The following CPLANE1 variants were observed in gnomAD, a reference collection of about 807,000 sequenced individuals.
CPLANE1 encodes the protein ciliogenesis and planar polarity effector complex subunit 1.
Under a neutral mutation model 362.5 loss-of-function variants are expected in CPLANE1, and 263 were observed. That is an observed-to-expected ratio of 0.73 (90% CI 0.66 to 0.80). The LOEUF is 0.80. Ranked by LOEUF, CPLANE1 falls within the 30% of genes least tolerant of loss-of-function variation. The pLI is 0.00. For missense variants in CPLANE1, 3,461 were observed against 3,793.4 expected, an observed-to-expected ratio of 0.91 and a Z score of 2.30; for synonymous variants, 1,212 against 1,302.6, an observed-to-expected ratio of 0.93 and a Z score of 1.50.
At chr5:37,133,336 T>C (rs1766546910) in intron 46 of CPLANE1, among the ~76,000 whole-genome samples, 1 of 152,158 alleles carries the variant, frequency 6.6e-6, no homozygotes, top group Admixed American at 6.5e-5. Context: ...TTGATAGAAA[T>C]AGTGTTGAAT....
intron 45 of CPLANE1, 89 bp from the exon 46 acceptor site, chr5:37,138,937 C>A (rs1768731200): frequency 1.7e-6 from 2 of 1,156,876 alleles, no homozygotes; most frequent in Non-Finnish European, 2.5e-6. Flanking sequence ...CAAATGAACA[C>A]AAAATGATAA....
Position 37,138,819 on chromosome 5 carries a change from C to T in CPLANE1, c.8693G>A (p.Gly2898Glu). 1 of 1,611,784 alleles carries T rather than the reference C, an allele frequency of 6.2e-7. No individual in the cohort carries two copies. Among genetic ancestry groups the T allele is most frequent in the Non-Finnish European group, 8.5e-7 (1 of 1,179,252 alleles). The change falls in exon 46 of 53, where the codon GGA (glycine) becomes GAA (glutamate). Residue 2898 changes from glycine to glutamate, a missense_variant. Physicochemically the swap from Gly to Glu is moderately conservative, Grantham distance 98. Around this residue, in one of 2 missense-constraint regions of CPLANE1, gnomAD observed 3,380 missense variants for 3,666.1 expected, o/e 0.92. Transcript: ENST00000651892. The part of the protein sequence containing the change: ...SVSVHPLQMT[G>E]LTDIADIIDD... ...AATAATGTCTGCAATATCAGTCAAT[C>T]CAGTCATCTGGAGCGGATGTACTGA...
intron 16 of CPLANE1, chr5:37,211,541 A>G: frequency 8.0e-7 from 1 of 1,248,244 alleles, no homozygotes; most frequent in Non-Finnish European, 1.2e-6. Context: ...CCTCAAGGCT[A>G]TGCGGGGGCA....
Position 37,243,110 on chromosome 5 carries a change from C to T in CPLANE1, c.580G>A (p.Asp194Asn). Residue 194 changes from aspartate (D) to asparagine (N), a missense_variant, in exon 6 of 53, where the codon GAC becomes AAC. By Grantham distance (23) the Asp-to-Asn change is conservative. Transcript: ENST00000651892. ...AVFIKNELFG[D>N]CCLCSFTFYS... ...AAAGTAAATGAACACAGGCAGCAGT[C>T]TCCAAATAACTGTAGATAAATTTAA... The T allele has an allele frequency of 6.6e-7, 1 of 1,519,330 alleles. No homozygotes were observed. The highest frequency in any genetic ancestry group is 1.4e-5 in the African/African-American group (1 of 71,510). 94.1% of individuals were successfully genotyped at this position (1,519,330 alleles called of 1,614,324 possible).
chr5:37,216,541 C>A (rs1055626150), intron 15 of CPLANE1, among the ~76,000 whole-genome samples: 4 of 151,980 alleles, frequency 2.6e-5, no homozygotes, highest in Non-Finnish European at 4.4e-5. Context: ...AGAGTGAGGC[C>A]CTATCTCAAA....
At chr5:37,245,640 T>G in intron 3 of CPLANE1, 42 bp from the exon 4 acceptor site, 1 of 1,490,166 alleles carries the variant, frequency 6.7e-7, no homozygotes, top group Non-Finnish European at 8.9e-7. Flanking sequence ...ATCTAGTATT[T>G]CCTTTAACAT....
rs1321423759 is a variant in CPLANE1, at chr5:37,244,373, A to T, written c.570+2T>A. 1.3e-6 allele frequency: 2 copies of T among 1,544,374 alleles called. No homozygotes were observed. The highest frequency in any genetic ancestry group is 4.0e-5 in the Admixed American group (2 of 49,870). Reference sequence around the variant, plus strand: ...CAGATAAGAGTCTGAGACTGATTTTACCTCATTTTTTATAAAAACAGCATT... The same window carrying T: ...CAGATAAGAGTCTGAGACTGATTTTTCCTCATTTTTTATAAAAACAGCATT... On this transcript the variant is annotated splice_donor_variant, in intron 5 of 52. Transcript: ENST00000651892. LOFTEE classifies it high-confidence loss of function.
At chr5:37,112,194 C>T (rs1194795088) in intron 51 of CPLANE1, among the ~76,000 whole-genome samples, 2 of 152,144 alleles carry the variant, frequency 1.3e-5, no homozygotes, top group Admixed American at 6.5e-5. Context: ...CAAATCAAAC[C>T]ACCACCTACT....
the CPLANE1 span, among the ~76,000 whole-genome samples, chr5:37,084,707 G>A: frequency 1.3e-5 from 2 of 152,058 alleles, no homozygotes; most frequent in Non-Finnish European, 2.9e-5. Flanking sequence ...TTGAACCCAG[G>A]AGGCAGAGAG....
At position 37,183,390 on chromosome 5, in the gene CPLANE1, A is replaced by G. The variant is rs1783187162; in HGVS notation, c.4791T>C (p.His1597=). The part of the protein sequence containing the change: ...HELNSLLFDV[H]TTLKRHQSKT... ...TGCTCTGATGTCGTTTTAATGTTGT[A>G]TGTACATCAAAAAGTAAAGAATTAA... Residue 1597 remains histidine (H), a synonymous_variant, in exon 26 of 53, where the codon CAT becomes CAC. Coordinates refer to ENST00000651892, the MANE Select transcript of CPLANE1 (RefSeq NM_001384732.1). The G allele has an allele frequency of 1.2e-6, 2 of 1,613,370 alleles. No homozygotes were observed. Among genetic ancestry groups the G allele is most frequent in the Non-Finnish European group, 1.7e-6 (2 of 1,179,702 alleles).
Position 37,227,409 on chromosome 5 carries a change from G to A in CPLANE1, c.1372-17C>T. 2.6e-6 allele frequency: 4 copies of A among 1,515,770 alleles called. No individual in the cohort carries two copies. Among genetic ancestry groups the A allele is most frequent in the Non-Finnish European group, 3.5e-6 (4 of 1,132,106 alleles). 93.9% of individuals were successfully genotyped at this position (1,515,770 alleles called of 1,614,324 possible). A position where few individuals can be genotyped will look rare whatever the true frequency, so the allele number is the denominator to read the frequency against. On this transcript the variant is annotated splice_polypyrimidine_tract_variant and intron_variant, in intron 10 of 52. Transcript: ENST00000651892. ...GCCTTTTGGCTAAAGAAGAAAAGAT[G>A]AAAGATTTCCAAGAGCAAAATGTTA... is the stretch of plus-strand genomic sequence containing the variant.
At chr5:37,223,299 G>A (rs921531368) in intron 14 of CPLANE1, among the ~76,000 whole-genome samples, 1 of 152,070 alleles carries the variant, frequency 6.6e-6, no homozygotes, top group Non-Finnish European at 1.5e-5. Flanking sequence ...TCCCCAGACT[G>A]ATGCTTGCAC....
At position 37,142,463 on chromosome 5, in the gene CPLANE1, T is replaced by C. The variant is rs1014611980; in HGVS notation, c.8479A>G (p.Met2827Val). ...TTGTCACTTTGATCTTCTTCATCCA[T>C]ATGGGTCAAAAAACGCACTAATCCA... Reference protein sequence around the residue: ...ISEEVRFLTHMDEEDQSDKKE... With the variant: ...ISEEVRFLTHVDEEDQSDKKE... Residue 2827 changes from methionine (M) to valine (V), a missense_variant, in exon 44 of 53, where the codon ATG (methionine) becomes GTG (valine). Around this residue, in one of 2 missense-constraint regions of CPLANE1, gnomAD observed 3,380 missense variants for 3,666.1 expected, o/e 0.92. Coordinates refer to ENST00000651892, the MANE Select transcript of CPLANE1 (RefSeq NM_001384732.1). 1.9e-6 allele frequency: 3 copies of C among 1,594,418 alleles called. No individual in the cohort carries two copies. Among genetic ancestry groups the C allele is most frequent in the South Asian group, 1.1e-5 (1 of 87,480 alleles).
intron 43 of CPLANE1, among the ~76,000 whole-genome samples, chr5:37,147,203 T>C (rs1207612309): frequency 6.6e-6 from 1 of 152,204 alleles, no homozygotes; most frequent in African/African-American, 2.4e-5. Context: ...CAGAAAATGT[T>C]TGGCCTCTTC....
intron 48 of CPLANE1, 21 bp downstream of exon 48, chr5:37,122,409 G>C (rs1157400465): frequency 6.2e-7 from 1 of 1,602,666 alleles, no homozygotes; most frequent in South Asian, 1.1e-5. Flanking sequence ...GAAAACACAG[G>C]GTTACAGCTA....
intron 42 of CPLANE1, 136 bp from the exon 43 acceptor site, chr5:37,148,404 A>G (rs1772396515): frequency 1.9e-6 from 1 of 524,896 alleles, no homozygotes; most frequent in African/African-American, 1.9e-5. Context: ...ATATAAGCTA[A>G]ATGGTAGGGA....
chr5:37,187,461 G>A lies in CPLANE1; in HGVS notation c.4033C>T (p.Gln1345Ter), dbSNP rs1408712462. The change falls in exon 23 of 53, where the codon CAG (glutamine) becomes TAG (stop). Residue 1345 changes from glutamine to a stop codon, truncating the protein, a stop_gained. Coordinates refer to ENST00000651892, the MANE Select transcript of CPLANE1 (RefSeq NM_001384732.1). LOFTEE classifies it high-confidence loss of function. ...SRFFNMEELI[Q>*]DIILSLIGEL... ...CCAATAAGGCTCAAAATTATATCCT[G>A]AATAAGTTCTTCCATATTAAAAAAC... 3 of 1,613,632 alleles carry A rather than the reference G, an allele frequency of 1.9e-6. No homozygotes were observed. The highest frequency in any genetic ancestry group is 2.2e-5 in the South Asian group (2 of 91,030).
At chr5:37,097,797 A>G in the CPLANE1 span, among the ~76,000 whole-genome samples, 2 of 152,316 alleles carry the variant, frequency 1.3e-5, no homozygotes, top group East Asian at 3.9e-4. Flanking sequence ...AGTCTCTCCC[A>G]AACAAAAATG....
At chr5:37,178,415 T>A (rs924075892) in intron 29 of CPLANE1, among the ~76,000 whole-genome samples, 2 of 151,248 alleles carry the variant, frequency 1.3e-5, no homozygotes, top group South Asian at 4.2e-4. Flanking sequence ...CTAAGCAACA[T>A]AGCAAGGCCC....
Sources: allele counts gnomAD v4.1 joint callset (sites outside exome capture counted in the v4.1 genomes callset), GRCh38; gene constraint gnomAD v4.1.1; regional missense constraint gnomAD v4.1.1; transcripts MANE v1.5; gene names NCBI Gene and HGNC (gene_info 2026-07-23, HGNC 2026-07-21).